Variants in FRMPD4 observed in about 807,000 individuals in gnomAD.
The protein encoded by FRMPD4 is FERM and PDZ domain-containing protein 4.
Under a neutral mutation model 94.1 loss-of-function variants are expected in FRMPD4, and 22 were observed. That is an observed-to-expected ratio of 0.23 (90% CI 0.17 to 0.33). The LOEUF (loss-of-function observed/expected upper bound fraction) is 0.33, where lower values mean the gene tolerates loss of function less well. Ranked by LOEUF, FRMPD4 falls within the 10% of genes least tolerant of loss-of-function variation. The pLI is 1.00. For synonymous variants in FRMPD4, 631 were observed against 548.6 expected (o/e 1.15, Z -2.10); for missense variants, 1,111 against 1,339.9 (o/e 0.83, Z 2.67).
intron 4 of FRMPD4, among the ~76,000 whole-genome samples, chrX:12,666,264 AC>A (rs1443622960): frequency 8.9e-6 from 1 of 111,822 alleles, no homozygotes; most frequent in East Asian, 2.8e-4. Flanking sequence ...ATACAGGAGC[AC>A]CCAGATTCAT....
chrX:12,659,950 C>T (rs1049687825), intron 4 of FRMPD4, among the ~76,000 whole-genome samples: 1 of 111,743 alleles, frequency 8.9e-6, no homozygotes, highest in Admixed American at 9.5e-5. Flanking sequence ...AAGTGCCAAA[C>T]CTGAAATTTT....
intron 3 of FRMPD4, among the ~76,000 whole-genome samples, chrX:12,108,535 C>G (rs959347523): frequency 3.6e-5 from 4 of 112,028 alleles, no homozygotes; most frequent in African/African-American, 1.3e-4. Flanking sequence ...AAATAACCAG[C>G]TAACATTGTA....
At chrX:12,517,210 T>C (rs1464894827) in intron 2 of FRMPD4, among the ~76,000 whole-genome samples, 1 of 111,418 alleles carries the variant, frequency 9.0e-6, no homozygotes, top group African/African-American at 3.3e-5. Context: ...CTTCTGTCAA[T>C]TCATCCATCT....
At chrX:12,662,529 A>T (rs890121285) in intron 4 of FRMPD4, among the ~76,000 whole-genome samples, 4 of 111,688 alleles carry the variant, frequency 3.6e-5, no homozygotes. Flanking sequence ...AAGGACCTGA[A>T]CTCATCCTTT....
chrX:12,195,451 G>T (rs968856601), intron 1 of FRMPD4, among the ~76,000 whole-genome samples: 1 of 112,251 alleles, frequency 8.9e-6, no homozygotes, highest in African/African-American at 3.2e-5. Flanking sequence ...GGCTTGCCGT[G>T]TTTGTCCCTG....
chrX:12,049,066 T>C (rs964687322), intron 3 of FRMPD4, among the ~76,000 whole-genome samples: 3 of 111,764 alleles, frequency 2.7e-5, no homozygotes, highest in African/African-American at 9.8e-5. Context: ...AATCTGTAGA[T>C]TTCTTTGGGC....
intron 1 of FRMPD4, among the ~76,000 whole-genome samples, chrX:12,402,347 G>A (rs1286428528): frequency 1.8e-5 from 2 of 111,231 alleles, no homozygotes; most frequent in African/African-American, 3.3e-5. Flanking sequence ...GGGAAGAAAC[G>A]TTCCACAAGA....
At chrX:11,964,153 T>TTTG (rs199751809) in intron 3 of FRMPD4, among the ~76,000 whole-genome samples, 482 of 106,657 alleles carry the variant, frequency 4.5e-3, no homozygotes, top group Non-Finnish European at 7.1e-3. Flanking sequence ...CAGTGCTTTT[T>TTTG]TTGTTGTTGT....
intron 1 of FRMPD4, among the ~76,000 whole-genome samples, chrX:12,247,015 G>T (rs1481294896): frequency 9.0e-6 from 1 of 111,554 alleles, no homozygotes; most frequent in African/African-American, 3.3e-5. Flanking sequence ...CTCTTAAGGG[G>T]ATTCAGAGTA....
chrX:12,638,738 G>A (rs747772211), intron 4 of FRMPD4, among the ~76,000 whole-genome samples: 1 of 109,883 alleles, frequency 9.1e-6, no homozygotes, highest in Non-Finnish European at 1.9e-5. Flanking sequence ...CACTTGACTT[G>A]AACTAGTTTC....
chrX:11,826,553 T>C (rs1306463539), intron 1 of FRMPD4, among the ~76,000 whole-genome samples: 1 of 112,001 alleles, frequency 8.9e-6, no homozygotes, highest in Non-Finnish European at 1.9e-5. Flanking sequence ...AATAAATACC[T>C]GTCAAGGGGA....
At chrX:12,417,361 C>T (rs1156836125) in intron 1 of FRMPD4, among the ~76,000 whole-genome samples, 1 of 108,537 alleles carries the variant, frequency 9.2e-6, no homozygotes, top group Non-Finnish European at 1.9e-5. Flanking sequence ...AGTGGATCAC[C>T]TGCGGTCAGG....
intron 2 of FRMPD4, among the ~76,000 whole-genome samples, chrX:12,598,683 G>A (rs1001347299): frequency 1.3e-4 from 15 of 111,883 alleles, no homozygotes; most frequent in Non-Finnish European, 2.3e-4. Context: ...ACAGTCTAAG[G>A]AAACTGAACT....
intron 1 of FRMPD4, among the ~76,000 whole-genome samples, chrX:12,240,478 T>C (rs182276002): frequency 2.7e-5 from 3 of 112,023 alleles, no homozygotes; most frequent in Non-Finnish European, 5.6e-5. Context: ...ATAGGAGGAA[T>C]TTATTGTGTG....
intron 3 of FRMPD4, among the ~76,000 whole-genome samples, chrX:12,125,151 T>C (rs2055488662): frequency 8.9e-6 from 1 of 111,974 alleles, no homozygotes; most frequent in African/African-American, 3.2e-5. Context: ...AATAATTCCA[T>C]ACTGAGAGTC....
chrX:12,268,588 A>G (rs1316054144), intron 1 of FRMPD4, among the ~76,000 whole-genome samples: 1 of 111,939 alleles, frequency 8.9e-6, no homozygotes. Context: ...GTATTCTACC[A>G]TCTCCTACAC....
intron 3 of FRMPD4, among the ~76,000 whole-genome samples, chrX:12,085,683 G>A (rs181218760): frequency 6.2e-3 from 690 of 111,456 alleles, no homozygotes; most frequent in Non-Finnish European, 9.7e-3. Flanking sequence ...ACCAGCCTGG[G>A]CAACATAGTG....
At chrX:12,072,485 G>A (rs753626263) in intron 3 of FRMPD4, among the ~76,000 whole-genome samples, 1 of 111,572 alleles carries the variant, frequency 9.0e-6, no homozygotes, top group Admixed American at 9.5e-5. Context: ...ACATGGCTTT[G>A]TGCACTATGT....
In FRMPD4 at chrX:12,618,659, C is replaced by T. The variant is rs143403300; in HGVS notation, c.422+3778C>T. On this transcript the variant is annotated intron_variant, in intron 4 of 16. Transcript: ENST00000675598. ...CAACCTGCAGATATTGAAAAAAAAA[C>T]CATTGCCTAGGTGGCTGTCCCGAAT... Among the ~76,000 whole-genome samples the T allele has an allele frequency of 6.4e-3, 704 of 110,789 alleles. 12 individuals are homozygous for T. The highest frequency in any genetic ancestry group is 9.2e-3 in the Middle Eastern group (2 of 217).
Sources: gnomAD v4.1 joint callset for allele counts (sites outside exome capture counted in the v4.1 genomes callset) on GRCh38, gnomAD v4.1.1 for gene constraint, MANE v1.5 for transcripts, NCBI Gene and HGNC (gene_info 2026-07-23, HGNC 2026-07-21) for gene names.